ACSL6: variants seen among roughly 807,000 people sequenced by gnomAD.
ACSL6 encodes long-chain-fatty-acid--CoA ligase 6.
A neutral mutation model predicts 98.2 loss-of-function variants in ACSL6; 47 were observed. That is an observed-to-expected ratio of 0.48 (90% CI 0.38 to 0.61). The LOEUF is 0.61. Ranked by LOEUF, ACSL6 falls within the 20% of genes least tolerant of loss-of-function variation. The pLI is 0.00. For missense variants in ACSL6, 761 were observed against 913.4 expected, an observed-to-expected ratio of 0.83 and a Z score of 2.15; for synonymous variants, 362 against 336.9, an observed-to-expected ratio of 1.07 and a Z score of -0.82.
intron 1 of ACSL6, among the ~76,000 whole-genome samples, chr5:132,002,185 G>C (rs1272865952): frequency 6.6e-6 from 1 of 152,158 alleles, no homozygotes; most frequent in African/African-American, 2.4e-5. Context: ...ACAGGCACAG[G>C]GACACTCCCT....
upstream of ACSL6, chr5:132,011,895 C>T (rs901771141): frequency 1.9e-6 from 3 of 1,551,176 alleles, no homozygotes; most frequent in South Asian, 2.4e-5. This position sits in a 1 kb window ranked among gnomAD's most constrained non-coding sequence, Gnocchi z 5.4. Flanking sequence ...TCTCCGGCCC[C>T]GCTCTCCAAC....
chr5:131,962,762 C>G lies in ACSL6; in HGVS notation c.1714-84G>C, dbSNP rs1180292885. On this transcript the variant is annotated intron_variant, in intron 17 of 20. Coordinates refer to ENST00000651883, the MANE Select transcript of ACSL6 (RefSeq NM_001009185.3). ...CTCCTCAGTGCCGTAACTCCCTGCC[C>G]TACCCCACCCTGCAGACCCCACCCC... 1.0e-5 allele frequency: 15 copies of G among 1,499,590 alleles called. No individual in the cohort carries two copies. The East Asian group carries it at 3.2e-4, about 32-fold the overall frequency. The allele number at this position is 1,499,590 out of a possible 1,614,324, so 92.9% of individuals were successfully genotyped here. A position where few individuals can be genotyped will look rare whatever the true frequency, so the allele number is the denominator to read the frequency against.
At position 131,976,735 on chromosome 5, in the gene ACSL6, G is replaced by T; in HGVS notation, c.917-14C>A. 6.2e-7 allele frequency: 1 copy of T among 1,613,338 alleles called. No homozygotes were observed. ...CTTTTGGGTTCCCTATAAAAAGAAA[G>T]CAAGAAGTCAAATTAGTTGGAAACT... On this transcript the variant is annotated splice_polypyrimidine_tract_variant and intron_variant, in intron 9 of 20. Coordinates refer to ENST00000651883, the MANE Select transcript of ACSL6 (RefSeq NM_001009185.3).
chr5:131,954,182 A>G lies in ACSL6; in HGVS notation c.*52T>C. The stretch of plus-strand genomic sequence containing the variant: ...TTTTGACTCATTACTTTCAAGAATA[A>G]CTATAATATTGCTAGACAGTTCATT... On this transcript the variant is annotated 3_prime_UTR_variant, in exon 21 of 21. Transcript: ENST00000651883. The G allele has an allele frequency of 6.7e-7, 1 of 1,488,544 alleles. No homozygotes were observed. Among genetic ancestry groups the G allele is most frequent in the Non-Finnish European group, 8.9e-7 (1 of 1,121,730 alleles). The allele number at this position is 1,488,544 out of a possible 1,614,324, so 92.2% of individuals were successfully genotyped here.
chr5:132,003,772 C>G lies in ACSL6; in HGVS notation c.49+7733G>C, dbSNP rs3846725. ...GGAAGGAACCCATCATCTTTGGAGA[C>G]GGAACTGGAGGCCTCGGTGGCTGCT... is the stretch of plus-strand genomic sequence containing the variant. On this transcript the variant is annotated intron_variant, in intron 1 of 20. Coordinates refer to ENST00000651883, the MANE Select transcript of ACSL6 (RefSeq NM_001009185.3). 1,145 of 152,320 alleles carry G rather than the reference C, an allele frequency of 7.5e-3. 17 individuals are homozygous for G. Among genetic ancestry groups the G allele is most frequent in the African/African-American group, 0.024 (1,018 of 41,568 alleles). 9.4% of individuals were successfully genotyped at this position (152,320 alleles called of 1,614,324 possible).
chr5:131,979,809 C>T (rs986348301), intron 9 of ACSL6, among the ~76,000 whole-genome samples: 2 of 152,172 alleles, frequency 1.3e-5, no homozygotes, highest in East Asian at 1.9e-4. Context: ...CTACCCAGGC[C>T]GCCAATGTCT....
intron 1 of ACSL6, among the ~76,000 whole-genome samples, chr5:131,996,630 T>C (rs1233373834): frequency 6.6e-6 from 1 of 152,242 alleles, no homozygotes. Context: ...TCCCTGGTCC[T>C]TGGCAGATGC....
intron 15 of ACSL6, 170 bp from the exon 16 acceptor site, chr5:131,968,198 G>A (rs1170574967): frequency 1.7e-6 from 1 of 584,876 alleles, no homozygotes; most frequent in South Asian, 2.2e-5. Context: ...ATAAAACAAA[G>A]TGCTGGAGAA....
At position 131,991,204 on chromosome 5, in the gene ACSL6, A is replaced by C. The variant is rs534181415; in HGVS notation, c.271-237T>G. On this transcript the variant is annotated intron_variant, in intron 2 of 20. Transcript: ENST00000651883. ...CTCATGCATAAAGGCCGGGTATACC[A>C]GTGTCCCCACATACAAACTCCACAC... is the stretch of plus-strand genomic sequence containing the variant. Among the ~76,000 whole-genome samples, 3 of 152,342 alleles carry C rather than the reference A, an allele frequency of 2.0e-5. No homozygotes were observed. The East Asian group carries it at 5.8e-4, about 29-fold the overall frequency.
intron 3 of ACSL6, 97 bp from the exon 4 acceptor site, chr5:131,990,261 G>T (rs144611974): frequency 1.6e-6 from 2 of 1,239,628 alleles, no homozygotes; most frequent in African/African-American, 1.5e-5. Flanking sequence ...ATCCCATACT[G>T]TAGTGTGTCC....
Position 131,973,246 on chromosome 5 carries a change from A to G in ACSL6, c.1203+20T>C, listed in dbSNP as rs556561892. The G allele has an allele frequency of 3.8e-5, 61 of 1,611,494 alleles. No individual in the cohort carries two copies. In the Middle Eastern group the frequency reaches 2.5e-3, roughly 66 times the overall value. ...ATATGCAGCCCCTCAGCCTGGCTGA[A>G]GACTCCCTGCAGAACTTACCTTGTC... On this transcript the variant is annotated intron_variant, in intron 12 of 20. Transcript: ENST00000651883.
At chr5:132,008,747 C>G (rs143595014) in intron 1 of ACSL6, among the ~76,000 whole-genome samples, 4 of 152,380 alleles carry the variant, frequency 2.6e-5, no homozygotes, top group African/African-American at 9.6e-5. Context: ...CTCCCTATCT[C>G]TGACAAATTC....
chr5:131,977,788 T>C (rs1033165639), intron 9 of ACSL6, among the ~76,000 whole-genome samples: 3 of 152,298 alleles, frequency 2.0e-5, no homozygotes, highest in Non-Finnish European at 4.4e-5. Context: ...GAGAGTGTTG[T>C]ACTCGATGCC....
rs150871226 is a variant in ACSL6 at position 132,010,598 on chromosome 5, T to C, written c.49+907A>G. ...AGATAATAATAAACACTAACATTCA[T>C]AGAGCATTTGCTGTGGCCTAGGACA... On this transcript the variant is annotated intron_variant, in intron 1 of 20. Transcript: ENST00000651883. Among the ~76,000 whole-genome samples, 630 of 152,334 alleles carry C rather than the reference T, an allele frequency of 4.1e-3. 4 individuals are homozygous for C. Among genetic ancestry groups the C allele is most frequent in the African/African-American group, 0.013 (547 of 41,574 alleles).
chr5:131,965,149 T>G (rs1752946567), intron 17 of ACSL6, among the ~76,000 whole-genome samples: 1 of 152,218 alleles, frequency 6.6e-6, no homozygotes, highest in South Asian at 2.1e-4. Context: ...CCACTCAGCC[T>G]GCCTTGGGCT....
chr5:131,993,860 T>G (rs3914020), intron 2 of ACSL6, 171 bp downstream of exon 2: 32,005 of 655,306 alleles, frequency 0.049, 2,538 homozygotes, highest in African/African-American at 0.28. Context: ...AAGGAGTGCC[T>G]GGTAGGAGAC....
intron 1 of ACSL6, among the ~76,000 whole-genome samples, chr5:131,999,000 T>G (rs928916135): frequency 6.6e-6 from 1 of 152,136 alleles, no homozygotes; most frequent in Non-Finnish European, 1.5e-5. Flanking sequence ...TGCAAACTTC[T>G]GAGGTCTTCA....
intron 1 of ACSL6, among the ~76,000 whole-genome samples, chr5:132,009,802 C>T (rs1162722504): frequency 6.6e-6 from 1 of 152,164 alleles, no homozygotes; most frequent in Non-Finnish European, 1.5e-5. Flanking sequence ...CAGACAAGGA[C>T]CCCACAGGGT....
At chr5:131,960,070 A>G (rs920585204) in intron 19 of ACSL6, among the ~76,000 whole-genome samples, 2 of 152,236 alleles carry the variant, frequency 1.3e-5, no homozygotes, top group Admixed American at 1.3e-4. Context: ...TGCTCTAAGC[A>G]GAAAGAATTG....
Sources: gnomAD v4.1 joint callset for allele counts (sites outside exome capture counted in the v4.1 genomes callset) on GRCh38, gnomAD v4.1.1 for gene constraint, Gnocchi (gnomAD v3.1) non-coding constraint, MANE v1.5 for transcripts, NCBI Gene and HGNC (gene_info 2026-07-23, HGNC 2026-07-21) for gene names.